Variants in TENM3 observed in about 807,000 individuals in gnomAD.
The protein encoded by TENM3 is teneurin transmembrane protein 3, also known as teneurin-3.
Under a neutral mutation model 255.1 loss-of-function variants are expected in TENM3, and 63 were observed. The ratio of observed to expected loss-of-function variants is 0.25; its 90% CI spans 0.20 to 0.30. TENM3 has a LOEUF of 0.30. Ranked by LOEUF, TENM3 falls within the 10% of genes least tolerant of loss-of-function variation. The probability of loss-of-function intolerance (pLI) is 1.00; values close to 1 mark genes in which losing one functional copy is unlikely to be tolerated. For synonymous variants in TENM3, 1,306 were observed against 1,322.3 expected (o/e 0.99, Z 0.27); for missense variants, 2,929 against 3,461.1 (o/e 0.85, Z 3.86).
At chr4:182,330,896 A>C (rs1763705125) in intron 2 of TENM3, among the ~76,000 whole-genome samples, 1 of 152,202 alleles carries the variant, frequency 6.6e-6, no homozygotes, top group Non-Finnish European at 1.5e-5. Context: ...AGTTGGAGGA[A>C]AGTAGAAAAG....
At chr4:182,528,339 T>G (rs937897865) in intron 3 of TENM3, among the ~76,000 whole-genome samples, 2 of 152,148 alleles carry the variant, frequency 1.3e-5, no homozygotes, top group African/African-American at 4.8e-5. Context: ...GCTGTAAGTT[T>G]TAATCACTAC....
At chr4:182,673,734 C>A (rs1377796883) in intron 7 of TENM3, among the ~76,000 whole-genome samples, 1 of 152,130 alleles carries the variant, frequency 6.6e-6, no homozygotes, top group East Asian at 1.9e-4. Context: ...AAATGATCAA[C>A]GCTGAGATGA....
chr4:182,337,988 C>T (rs534103204), intron 2 of TENM3, among the ~76,000 whole-genome samples: 56 of 152,038 alleles, frequency 3.7e-4, no homozygotes, highest in Admixed American at 5.2e-4. Flanking sequence ...TGACTGGGTA[C>T]GGGAGAGCTT....
chr4:181,720,061 G>A, the TENM3 span, among the ~76,000 whole-genome samples: 103,124 of 152,150 alleles, frequency 0.68, 35,118 homozygotes, highest in Admixed American at 0.73. Context: ...ACAACTCTTT[G>A]TGAAGCTGGA....
the TENM3 span, among the ~76,000 whole-genome samples, chr4:181,983,720 A>T: frequency 6.6e-6 from 1 of 152,116 alleles, no homozygotes; most frequent in Non-Finnish European, 1.5e-5. Context: ...ATTAGAATAT[A>T]TGCACTGGGA....
chr4:182,122,751 T>C, the TENM3 span, among the ~76,000 whole-genome samples: 1 of 152,198 alleles, frequency 6.6e-6, no homozygotes, highest in African/African-American at 2.4e-5. Flanking sequence ...CTAGCTACAT[T>C]AGCTAGTTAA....
At chr4:181,569,709 G>A in the TENM3 span, among the ~76,000 whole-genome samples, 1 of 152,062 alleles carries the variant, frequency 6.6e-6, no homozygotes, top group Non-Finnish European at 1.5e-5. Context: ...ATAATTTCTG[G>A]TCTCAGGATA....
the TENM3 span, among the ~76,000 whole-genome samples, chr4:181,825,946 G>A: frequency 5.3e-5 from 8 of 152,256 alleles, no homozygotes; most frequent in South Asian, 1.7e-3. Flanking sequence ...ACTCTCCAGA[G>A]TATATTCTAA....
chr4:182,005,496 G>A, the TENM3 span, among the ~76,000 whole-genome samples: 2 of 152,196 alleles, frequency 1.3e-5, no homozygotes, highest in African/African-American at 4.8e-5. Context: ...TTGAAGTCAG[G>A]TAGCGTGATG....
chr4:181,701,360 T>C, the TENM3 span, among the ~76,000 whole-genome samples: 12 of 152,224 alleles, frequency 7.9e-5, no homozygotes, highest in Admixed American at 3.9e-4. Context: ...AAAAACATTG[T>C]TTAGCTTGCA....
chr4:181,852,878 CTG>C, the TENM3 span, among the ~76,000 whole-genome samples: 1 of 152,182 alleles, frequency 6.6e-6, no homozygotes, highest in Non-Finnish European at 1.5e-5. Flanking sequence ...TTTCAGAACA[CTG>C]TGAACGTACT....
the TENM3 span, among the ~76,000 whole-genome samples, chr4:181,806,136 C>T: frequency 2.0e-4 from 31 of 152,142 alleles, no homozygotes; most frequent in Non-Finnish European, 3.8e-4. Flanking sequence ...TGATAAAATA[C>T]GTGGTCCGTA....
the TENM3 span, among the ~76,000 whole-genome samples, chr4:181,764,530 G>A: frequency 6.0e-3 from 911 of 152,290 alleles, 9 homozygotes; most frequent in African/African-American, 0.021. Flanking sequence ...CCATCTTATG[G>A]TTACTGTGGT....
the TENM3 span, among the ~76,000 whole-genome samples, chr4:181,743,663 G>C: frequency 6.6e-6 from 1 of 151,952 alleles, no homozygotes; most frequent in African/African-American, 2.4e-5. Context: ...AAGAGTGGCG[G>C]GACAGCCACA....
intron 27 of TENM3, among the ~76,000 whole-genome samples, chr4:182,798,170 G>C (rs1044515275): frequency 2.6e-5 from 4 of 152,120 alleles, no homozygotes; most frequent in African/African-American, 9.7e-5. Context: ...ACCACACCCA[G>C]CTAATTTTTT....
chr4:182,027,846 T>G, the TENM3 span, among the ~76,000 whole-genome samples: 5 of 152,196 alleles, frequency 3.3e-5, no homozygotes, highest in South Asian at 2.1e-4. Flanking sequence ...TCTTTTAAAT[T>G]TATTGTTGAA....
At chr4:181,653,992 A>T in the TENM3 span, among the ~76,000 whole-genome samples, 1 of 151,824 alleles carries the variant, frequency 6.6e-6, no homozygotes, top group Non-Finnish European at 1.5e-5. Context: ...TGGTGCCATC[A>T]TATTCCCAGC....
the TENM3 span, among the ~76,000 whole-genome samples, chr4:181,459,699 T>A: frequency 8.9e-4 from 136 of 152,062 alleles, no homozygotes; most frequent in African/African-American, 3.2e-3. Context: ...TCTGTCTTCA[T>A]GCCAACATCA....
intron 3 of TENM3, among the ~76,000 whole-genome samples, chr4:182,474,702 CAT>C (rs1012114466): frequency 1.3e-5 from 2 of 152,210 alleles, no homozygotes; most frequent in African/African-American, 2.4e-5. Context: ...TTTATTGACA[CAT>C]AGAGTTCATG....
Sources: gnomAD v4.1 joint callset for allele counts (sites outside exome capture counted in the v4.1 genomes callset) on GRCh38, gnomAD v4.1.1 for gene constraint, MANE v1.5 for transcripts, NCBI Gene and HGNC (gene_info 2026-07-23, HGNC 2026-07-21) for gene names.